The following PIK3C2G variants were observed in gnomAD, a reference collection of about 807,000 sequenced individuals.
PIK3C2G encodes the protein phosphatidylinositol-4-phosphate 3-kinase catalytic subunit type 2 gamma.
In PIK3C2G, 168 loss-of-function variants were observed where a neutral mutation model predicts 181.1. The observed-to-expected ratio is 0.93, with a 90% CI of 0.82 to 1.05. PIK3C2G has a LOEUF of 1.05. Among genes scored for constraint, PIK3C2G ranks in the 50% least tolerant of loss-of-function variants. PIK3C2G has a pLI of 0.00. For missense variants in PIK3C2G, 1,869 were observed against 1,732.8 expected (o/e 1.08, Z -1.40); for synonymous variants, 573 against 592.2 (o/e 0.97, Z 0.47).
In PIK3C2G at chr12:18,346,844, G is replaced by A. The variant is rs1287734261; in HGVS notation, c.1625+8G>A. 2 of 1,581,510 alleles carry A rather than the reference G, an allele frequency of 1.3e-6. No individual in the cohort carries two copies. The highest frequency in any genetic ancestry group is 2.7e-5 in the African/African-American group (2 of 73,818). On this transcript the variant is annotated splice_region_variant and intron_variant, in intron 11 of 32. Transcript: ENST00000538779. ...AGAAACCTGGGTGCACAGGTGAGTGGTGGTGAGTTTTTCACAAAAGCATTC... is the reference window on the plus strand; with the variant it reads ...AGAAACCTGGGTGCACAGGTGAGTGATGGTGAGTTTTTCACAAAAGCATTC...
intron 18 of PIK3C2G, among the ~76,000 whole-genome samples, chr12:18,426,503 T>C (rs1945824738): frequency 6.6e-6 from 1 of 152,210 alleles, no homozygotes; most frequent in South Asian, 2.1e-4. Flanking sequence ...TACTTTCCTT[T>C]GTATTGTTAA....
intron 18 of PIK3C2G, among the ~76,000 whole-genome samples, chr12:18,427,546 TAAA>T: frequency 7.4e-6 from 1 of 136,042 alleles, no homozygotes; most frequent in African/African-American, 2.7e-5. Flanking sequence ...AAAAATATAA[TAAA>T]ATATTAAAGA....
intron 4 of PIK3C2G, among the ~76,000 whole-genome samples, chr12:18,292,102 C>G (rs1474845170): frequency 6.7e-6 from 1 of 148,772 alleles, no homozygotes; most frequent in East Asian, 2.0e-4. Flanking sequence ...CCCAGCTACT[C>G]AGGAGGCTGA....
At position 18,306,712 on chromosome 12, in the gene PIK3C2G, T is replaced by A. The variant is rs1950436222; in HGVS notation, c.1035-7250T>A. Among the ~76,000 whole-genome samples, 3 of 152,160 alleles carry A rather than the reference T, an allele frequency of 2.0e-5. No homozygotes were observed. In the South Asian group the frequency reaches 6.2e-4, roughly 32 times the overall value. The stretch of plus-strand genomic sequence containing the variant: ...CTGAACAGTACTACAGTACTAATAT[T>A]ATTTTAATATTTTGTTATATTCACC... On this transcript the variant is annotated intron_variant, in intron 5 of 32. Transcript: ENST00000538779.
At chr12:18,557,061 C>T (rs1395736878) in intron 26 of PIK3C2G, among the ~76,000 whole-genome samples, 1 of 152,068 alleles carries the variant, frequency 6.6e-6, no homozygotes, top group African/African-American at 2.4e-5. Context: ...TAGATGCCAA[C>T]CCAGAAAAGT....
chr12:18,363,691 A>C (rs373729787), intron 12 of PIK3C2G, among the ~76,000 whole-genome samples: 31 of 152,196 alleles, frequency 2.0e-4, no homozygotes, highest in Non-Finnish European at 4.1e-4. Context: ...TGGCTTTCTT[A>C]GAAGACAGTT....
chr12:18,693,469 T>G, the PIK3C2G span: 1 of 1,606,680 alleles, frequency 6.2e-7, no homozygotes, highest in Non-Finnish European at 8.5e-7. Context: ...CTGGCACAGG[T>G]AAAACCTTGT....
chr12:18,490,190 A>G (rs1422351708), intron 19 of PIK3C2G, among the ~76,000 whole-genome samples: 2 of 152,152 alleles, frequency 1.3e-5, no homozygotes, highest in Non-Finnish European at 2.9e-5. Context: ...ATCCAAGTAT[A>G]GATGAGGCAA....
intron 31 of PIK3C2G, among the ~76,000 whole-genome samples, chr12:18,616,889 G>A (rs1480708371): frequency 2.6e-5 from 4 of 152,018 alleles, no homozygotes; most frequent in Non-Finnish European, 5.9e-5. Context: ...ATACAAAATG[G>A]ATTAAATAAT....
rs764346657 is a variant in PIK3C2G at position 18,286,861 on chromosome 12, C to G, written c.693C>G (p.Ser231=). The change falls in exon 3 of 33, where the codon TCC becomes TCG. Residue 231 remains serine (S), a synonymous_variant. Coordinates refer to ENST00000538779, the MANE Select transcript of PIK3C2G (RefSeq NM_001288772.2). ...WQKNIESIGC[S]IQLVEVPQSS... is the part of the protein sequence containing the mutation. ...TTTATTTTAAGTCAATAGGTTGTTC[C>G]ATTCAGCTAGTGGAAGTACCTCAAA... The G allele has an allele frequency of 5.8e-6, 9 of 1,550,028 alleles. No homozygotes were observed. The East Asian group carries it at 1.7e-4, about 29-fold the overall frequency.
At chr12:18,583,257 C>T (rs1340518521) in intron 29 of PIK3C2G, among the ~76,000 whole-genome samples, 1 of 152,166 alleles carries the variant, frequency 6.6e-6, no homozygotes, top group African/African-American at 2.4e-5. Context: ...GTTTCAAAGC[C>T]TTTGCTGTTG....
At chr12:18,392,457 C>T (rs1943595278) in intron 15 of PIK3C2G, among the ~76,000 whole-genome samples, 1 of 152,096 alleles carries the variant, frequency 6.6e-6, no homozygotes, top group South Asian at 2.1e-4. Context: ...CCTTTTTAAA[C>T]TTCAAATGTG....
chr12:18,335,861 G>T (rs1376669053), intron 8 of PIK3C2G, among the ~76,000 whole-genome samples: 1 of 152,124 alleles, frequency 6.6e-6, no homozygotes, highest in African/African-American at 2.4e-5. Context: ...CACATAAGAA[G>T]TACTGCAAGA....
intron 2 of PIK3C2G, 73 bp downstream of exon 2, chr12:18,282,832 G>C: frequency 9.5e-7 from 1 of 1,057,360 alleles, no homozygotes; most frequent in Non-Finnish European, 1.3e-6. Context: ...GGTTAATTTG[G>C]TAATGAAGAT....
intron 4 of PIK3C2G, 94 bp downstream of exon 4, chr12:18,291,106 T>G (rs1819727367): frequency 6.0e-6 from 4 of 668,732 alleles, no homozygotes; most frequent in Admixed American, 3.2e-5. Flanking sequence ...TAAAAAATAA[T>G]ATTAGCTACT....
intron 31 of PIK3C2G, among the ~76,000 whole-genome samples, chr12:18,632,256 T>C (rs1490696969): frequency 2.6e-5 from 4 of 152,176 alleles, no homozygotes; most frequent in African/African-American, 9.7e-5. Flanking sequence ...CATGTTTAAT[T>C]CCTAGGAAAT....
At chr12:18,628,883 A>G (rs1027296308) in intron 31 of PIK3C2G, among the ~76,000 whole-genome samples, 3 of 152,108 alleles carry the variant, frequency 2.0e-5, no homozygotes, top group Non-Finnish European at 4.4e-5. Context: ...TTTGAGCCAG[A>G]GAGTTGGAAG....
chr12:18,685,007 C>G, the PIK3C2G span, among the ~76,000 whole-genome samples: 1 of 151,996 alleles, frequency 6.6e-6, no homozygotes, highest in Admixed American at 6.6e-5. Flanking sequence ...CCTGAGGCCT[C>G]CCCAGCCATG....
chr12:18,609,403 T>G (rs1180581521), intron 30 of PIK3C2G, 132 bp from the exon 31 acceptor site: 5 of 591,148 alleles, frequency 8.5e-6, no homozygotes, highest in Middle Eastern at 3.1e-4. Context: ...AGCATTAAGA[T>G]TCTTCAACAT....
Sources: gnomAD v4.1 joint callset for allele counts (sites outside exome capture counted in the v4.1 genomes callset) on GRCh38, gnomAD v4.1.1 for gene constraint, MANE v1.5 for transcripts, NCBI Gene and HGNC (gene_info 2026-07-23, HGNC 2026-07-21) for gene names.